The following YBX1 variants were observed in gnomAD, a reference collection of about 807,000 sequenced individuals.
YBX1 encodes the protein Y-box binding protein 1.
YBX1 carries 3 observed loss-of-function variants against 41.4 expected under a neutral mutation model. The ratio of observed to expected loss-of-function variants is 0.07; its 90% CI spans 0.03 to 0.19. The LOEUF (loss-of-function observed/expected upper bound fraction) is 0.19. Ranked by LOEUF, YBX1 falls within the 10% of genes least tolerant of loss-of-function variation. The probability of loss-of-function intolerance (pLI) is 1.00; values close to 1 mark genes in which losing one functional copy is unlikely to be tolerated. For synonymous variants in YBX1, 133 were observed against 165.8 expected (o/e 0.80, Z 1.52); for missense variants, 274 against 462.8 (o/e 0.59, Z 3.74).
intron 2 of YBX1, among the ~76,000 whole-genome samples, chr1:42,690,307 A>AT (rs1032260935): frequency 6.7e-5 from 10 of 150,232 alleles, no homozygotes; most frequent in Non-Finnish European, 1.5e-5. Flanking sequence ...ATATATTTCC[A>AT]TTTTTAACAC....
intron 2 of YBX1, among the ~76,000 whole-genome samples, chr1:42,684,021 C>T (rs1343486620): frequency 6.6e-6 from 1 of 152,132 alleles, no homozygotes; most frequent in African/African-American, 2.4e-5. Context: ...TTTTTATTTG[C>T]TCATCCAGTA....
chr1:42,701,083 C>T (rs577581034), intron 7 of YBX1, 37 bp downstream of exon 7: 19 of 1,507,314 alleles, frequency 1.3e-5, no homozygotes, highest in African/African-American at 1.2e-4. Context: ...TTATGGCAGT[C>T]GTGAGTGGTG....
intron 2 of YBX1, among the ~76,000 whole-genome samples, chr1:42,689,884 A>G (rs149127190): frequency 3.2e-4 from 49 of 152,360 alleles, no homozygotes; most frequent in African/African-American, 1.1e-3. Flanking sequence ...ATTTTAATTT[A>G]GAAATCTGGC....
chr1:42,682,609 C>A lies in YBX1; in HGVS notation c.44C>A (p.Pro15His), dbSNP rs879767476. Residue 15 changes from proline (P) to histidine (H), a missense_variant, in exon 1 of 8, where the codon CCC (proline) becomes CAC (histidine). By Grantham distance (77) the Pro-to-His change is moderately conservative. This residue lies in a region of YBX1 where 84 missense variants were observed against 130.8 expected (regional missense o/e 0.64). Coordinates refer to ENST00000321358, the MANE Select transcript of YBX1 (RefSeq NM_004559.5). ...AETQQPPAAPPAAPALSAADT... is the reference protein window; with the variant it reads ...AETQQPPAAPHAAPALSAADT... ...ACCCAGCAGCCGCCCGCCGCCCCCC[C>A]CGCCGCCCCCGCCCTCAGCGCCGCC... 10 of 1,445,368 alleles carry A rather than the reference C, an allele frequency of 6.9e-6. No homozygotes were observed. The highest frequency in any genetic ancestry group is 9.1e-6 in the Non-Finnish European group (10 of 1,103,806). The allele number at this position is 1,445,368 out of a possible 1,614,324, so 89.5% of individuals were successfully genotyped here.
At chr1:42,683,515 C>T (rs1444039010) in intron 2 of YBX1, 49 bp downstream of exon 2, 13 of 1,608,664 alleles carry the variant, frequency 8.1e-6, no homozygotes, top group Non-Finnish European at 1.0e-5. Flanking sequence ...TGCTTGCTTC[C>T]TGCTCTGTCG....
In YBX1 at chr1:42,700,813, A is replaced by C; in HGVS notation, c.773A>C (p.Asp258Ala). 3 of 1,612,044 alleles carry C rather than the reference A, an allele frequency of 1.9e-6. No homozygotes were observed. The highest frequency in any genetic ancestry group is 2.5e-6 in the Non-Finnish European group (3 of 1,179,804). The change falls in exon 7 of 8, where the codon GAC becomes GCC. Residue 258 changes from aspartate (D) to alanine (A), a missense_variant. Physicochemically the swap from Asp to Ala is moderately radical, Grantham distance 126 (BLOSUM62 -2). This residue lies in a region of YBX1 where 187 missense variants were observed against 306.3 expected (regional missense o/e 0.61). Transcript: ENST00000321358. ...CCTCGCCAAAGACAGCCTAGAGAGG[A>C]CGGCAATGAAGAAGATAAAGAAAAT... ...GPPRQRQPRE[D>A]GNEEDKENQG...
chr1:42,691,597 CA>C (rs770532010), intron 2 of YBX1, among the ~76,000 whole-genome samples: 5 of 152,122 alleles, frequency 3.3e-5, no homozygotes, highest in Admixed American at 6.5e-5. Context: ...AACAAACAGT[CA>C]GAGCCACCAC....
In YBX1 at chr1:42,682,470, C is replaced by T. The variant is rs1179981945; in HGVS notation, c.-96C>T. ...AGCGGAGAGCGGACCCCAGAGAGCC[C>T]TGAGCAGCCCCACCGCCGCCGCCGG... On this transcript the variant is annotated 5_prime_UTR_variant, in exon 1 of 8. Transcript: ENST00000321358. The T allele has an allele frequency of 3.1e-6, 4 of 1,307,180 alleles. No homozygotes were observed. The highest frequency in any genetic ancestry group is 3.9e-6 in the Non-Finnish European group (4 of 1,022,934). The allele number at this position is 1,307,180 out of a possible 1,614,324, so 81.0% of individuals were successfully genotyped here.
intron 2 of YBX1, among the ~76,000 whole-genome samples, chr1:42,690,226 ACT>A (rs1650296254): frequency 6.7e-6 from 1 of 150,104 alleles, no homozygotes; most frequent in South Asian, 2.1e-4. Flanking sequence ...AAAATTGAGT[ACT>A]GTTATTTCTT....
rs1650662401 is a variant in YBX1 at position 42,703,617 on chromosome 1, T to C, written c.*1668T>C. 6.6e-6 allele frequency among the ~76,000 whole-genome samples: 1 copy of C among 152,198 alleles called. No individual in the cohort carries two copies. Among genetic ancestry groups the C allele is most frequent in the Admixed American group, 6.5e-5 (1 of 15,284 alleles). ...CTTCAACTGTTGGTAGCATCTAAACTGTTACTTACAACTGCAGACGCACAC... is the reference window on the plus strand; with the variant it reads ...CTTCAACTGTTGGTAGCATCTAAACCGTTACTTACAACTGCAGACGCACAC... On this transcript the variant is annotated 3_prime_UTR_variant, in exon 8 of 8. Transcript: ENST00000321358.
In YBX1 at chr1:42,700,784, C is replaced by A; in HGVS notation, c.744C>A (p.Gly248=). 6.2e-7 allele frequency: 1 copy of A among 1,609,902 alleles called. No individual in the cohort carries two copies. Among genetic ancestry groups the A allele is most frequent in the Non-Finnish European group, 8.5e-7 (1 of 1,178,816 alleles). Reference sequence around the variant, plus strand: ...AGTTTGACACCGTTCATTGCAGGGGCCCTCCTCGCCAAAGACAGCCTAGAG... The same window carrying A: ...AGTTTGACACCGTTCATTGCAGGGGACCTCCTCGCCAAAGACAGCCTAGAG... ...YRGYRPRFRR[G]PPRQRQPRED... Residue 248 remains glycine, a synonymous_variant, in exon 7 of 8, where the codon GGC becomes GGA. Transcript: ENST00000321358.
At chr1:42,697,011 T>A in intron 5 of YBX1, 67 bp downstream of exon 5, 1 of 1,485,904 alleles carries the variant, frequency 6.7e-7, no homozygotes, top group Non-Finnish European at 8.9e-7. Context: ...CTGTTAATTA[T>A]ATGGAAAGCA....
At chr1:42,687,574 GC>G (rs1650226660) in intron 2 of YBX1, among the ~76,000 whole-genome samples, 2 of 152,086 alleles carry the variant, frequency 1.3e-5, no homozygotes, top group Non-Finnish European at 2.9e-5. Context: ...GAGCCACTGC[GC>G]CCGGCCTCTA....
At chr1:42,688,596 T>C (rs1650255795) in intron 2 of YBX1, among the ~76,000 whole-genome samples, 1 of 152,206 alleles carries the variant, frequency 6.6e-6, no homozygotes, top group African/African-American at 2.4e-5. Context: ...ATGAACAGTT[T>C]ATCTCTCCAG....
At chr1:42,697,875 C>T (rs12044179) in intron 6 of YBX1, among the ~76,000 whole-genome samples, 74,545 of 151,896 alleles carry the variant, frequency 0.49, 18,526 homozygotes, top group African/African-American at 0.54. Flanking sequence ...TAGTCCATGC[C>T]GTAGTATACT....
rs879767476 is a variant in YBX1, at chr1:42,682,609, C to T, written c.44C>T (p.Pro15Leu). The change falls in exon 1 of 8, where the codon CCC becomes CTC. Residue 15 changes from proline to leucine, a missense_variant. By Grantham distance (98) the Pro-to-Leu change is moderately conservative. Transcript: ENST00000321358. ...AETQQPPAAPPAAPALSAADT... is the reference protein window; with the variant it reads ...AETQQPPAAPLAAPALSAADT... ...ACCCAGCAGCCGCCCGCCGCCCCCC[C>T]CGCCGCCCCCGCCCTCAGCGCCGCC... 9 of 1,445,262 alleles carry T rather than the reference C, an allele frequency of 6.2e-6. No individual in the cohort carries two copies. In the Admixed American group the frequency reaches 1.0e-4, roughly 16 times the overall value. The allele number at this position is 1,445,262 out of a possible 1,614,324, so 89.5% of individuals were successfully genotyped here.
At chr1:42,697,754 A>C (rs957395009) in intron 6 of YBX1, among the ~76,000 whole-genome samples, 3 of 152,022 alleles carry the variant, frequency 2.0e-5, no homozygotes, top group African/African-American at 7.2e-5. Context: ...CTGCGGGGGG[A>C]AATCCAGTCT....
rs904766098 is a variant in YBX1 at position 42,696,737 on chromosome 1, T to C, written c.450T>C (p.Arg150=). 4 of 1,613,702 alleles carry C rather than the reference T, an allele frequency of 2.5e-6. No homozygotes were observed. In the African/African-American group the frequency reaches 4.0e-5, roughly 16 times the overall value. ...ADRNHYRRYP[R]RRGPPRNYQQ... ...GTAACCATTATAGACGCTATCCACG[T>C]CGTAGGGGTCCTCCACGCAATTACC... Residue 150 remains arginine (R), a synonymous_variant, in exon 5 of 8, where the codon CGT becomes CGC. Coordinates refer to ENST00000321358, the MANE Select transcript of YBX1 (RefSeq NM_004559.5). The surrounding 1 kb of genome is among the most constrained non-coding windows in gnomAD (Gnocchi z 5.7).
chr1:42,686,676 A>G (rs1481190109), intron 2 of YBX1, among the ~76,000 whole-genome samples: 1 of 152,260 alleles, frequency 6.6e-6, no homozygotes, highest in African/African-American at 2.4e-5. Context: ...CATAACTGAT[A>G]GGTGACTTCC....
Sources: gnomAD v4.1 joint callset for allele counts (sites outside exome capture counted in the v4.1 genomes callset) on GRCh38, gnomAD v4.1.1 for gene constraint, gnomAD v4.1.1 regional missense constraint, Gnocchi (gnomAD v3.1) non-coding constraint, MANE v1.5 for transcripts, NCBI Gene and HGNC (gene_info 2026-07-23, HGNC 2026-07-21) for gene names.